The following QSOX1 variants were observed in gnomAD, a reference collection of about 807,000 sequenced individuals.
QSOX1 encodes quiescin sulfhydryl oxidase 1, also known as sulfhydryl oxidase 1.
A neutral mutation model predicts 76.1 loss-of-function variants in QSOX1; 40 were observed. That is an observed-to-expected ratio of 0.53 (90% confidence interval 0.41 to 0.68). The LOEUF is 0.68. Ranked by LOEUF, QSOX1 falls within the 30% of genes least tolerant of loss-of-function variation. QSOX1 has a pLI of 0.00. For missense variants in QSOX1, 931 were observed against 974.3 expected (o/e 0.96, Z 0.59); for synonymous variants, 392 against 413.1 (o/e 0.95, Z 0.62).
At chr1:180,182,050 G>A (rs554563788) in intron 5 of QSOX1, 124 bp from the exon 6 acceptor site, 14 of 905,634 alleles carry the variant, frequency 1.5e-5, no homozygotes, top group African/African-American at 3.3e-5. Context: ...CACTCTTTGT[G>A]GGTTTAGAGT....
Position 180,197,662 on chromosome 1 carries a change from G to A in QSOX1, c.*625G>A. 2.3e-6 allele frequency: 1 copy of A among 435,970 alleles called. No individual in the cohort carries two copies. The highest frequency in any genetic ancestry group is 2.5e-5 in the South Asian group (1 of 39,610). 27.0% of individuals were successfully genotyped at this position (435,970 alleles called of 1,614,324 possible). On this transcript the variant is annotated 3_prime_UTR_variant, in exon 12 of 12. Coordinates refer to ENST00000367602, the MANE Select transcript of QSOX1 (RefSeq NM_002826.5). Reference sequence around the variant, plus strand: ...CTCCCAGGTGAGGCAAGCCATGGTTGCTGGGCTGTAGGGTGAGTGGCTTGC... The same window carrying A: ...CTCCCAGGTGAGGCAAGCCATGGTTACTGGGCTGTAGGGTGAGTGGCTTGC...
chr1:180,194,559 A>C (rs533360004), intron 11 of QSOX1, among the ~76,000 whole-genome samples, 167 bp downstream of exon 11: 1 of 152,326 alleles, frequency 6.6e-6, no homozygotes, highest in Admixed American at 6.5e-5. Flanking sequence ...TTTTGACATG[A>C]GGAAGCCAAG....
In QSOX1 at chr1:180,200,485, T is replaced by C. The variant is rs1186807006; in HGVS notation, c.*3448T>C. 2 of 152,058 alleles carry C rather than the reference T, an allele frequency of 1.3e-5. No homozygotes were observed. Among genetic ancestry groups the C allele is most frequent in the African/African-American group, 2.4e-5 (1 of 41,370 alleles). 9.4% of individuals were successfully genotyped at this position (152,058 alleles called of 1,614,324 possible). ...ACTGAGGTGTTGAGTGGAAAGTGCC[T>C]CCCCACCCCCATCTGCCACAGTAGT... is the stretch of plus-strand genomic sequence containing the variant. On this transcript the variant is annotated 3_prime_UTR_variant, in exon 12 of 12. Coordinates refer to ENST00000367602, the MANE Select transcript of QSOX1 (RefSeq NM_002826.5).
intron 1 of QSOX1, among the ~76,000 whole-genome samples, chr1:180,156,886 G>T (rs1341782346): frequency 1.3e-5 from 2 of 152,202 alleles, no homozygotes; most frequent in African/African-American, 4.8e-5. Context: ...CCACTTTGAG[G>T]TTATAAGAGG....
rs1273543846 is a variant in QSOX1 at position 180,184,267 on chromosome 1, G to T, written c.887+217G>T. Among the ~76,000 whole-genome samples, 7 of 152,198 alleles carry T rather than the reference G, an allele frequency of 4.6e-5. No homozygotes were observed. In the East Asian group the frequency reaches 1.3e-3, roughly 29 times the overall value. On this transcript the variant is annotated intron_variant, in intron 7 of 11. Transcript: ENST00000367602. Reference sequence around the variant, plus strand: ...AGCTGCGGTGCCTCTGGTGTCTGTTGCGGGGCCGGGGCTGACTGGGGAATG... The same window carrying T: ...AGCTGCGGTGCCTCTGGTGTCTGTTTCGGGGCCGGGGCTGACTGGGGAATG...
At chr1:180,163,718 A>C (rs1454878849) in intron 1 of QSOX1, among the ~76,000 whole-genome samples, 1 of 152,264 alleles carries the variant, frequency 6.6e-6, no homozygotes, top group Non-Finnish European at 1.5e-5. Context: ...ATATGTGGAC[A>C]GGGGCCAAAT....
intron 1 of QSOX1, among the ~76,000 whole-genome samples, chr1:180,162,146 T>A (rs1395560004): frequency 6.6e-6 from 1 of 152,222 alleles, no homozygotes; most frequent in Non-Finnish European, 1.5e-5. Flanking sequence ...AGGCTGATAA[T>A]GTATCATATT....
chr1:180,190,323 T>TA, intron 9 of QSOX1, 110 bp from the exon 10 acceptor site: 3 of 1,252,406 alleles, frequency 2.4e-6, no homozygotes, highest in Non-Finnish European at 3.4e-6. Flanking sequence ...TTCGAGGTGA[T>TA]AGACTGAGGG....
chr1:180,194,998 G>GGGGC (rs1553275516), intron 11 of QSOX1, among the ~76,000 whole-genome samples: 2 of 147,016 alleles, frequency 1.4e-5, no homozygotes, highest in South Asian at 2.1e-4. Flanking sequence ...CAGCCTCCCG[G>GGGGC]GGGGGGGAGA....
At chr1:180,155,922 G>T (rs1014472764) in intron 1 of QSOX1, among the ~76,000 whole-genome samples, 6 of 152,144 alleles carry the variant, frequency 3.9e-5, no homozygotes, top group African/African-American at 1.4e-4. Context: ...CCTGGTTGGG[G>T]CACCAAAACT....
chr1:180,158,906 C>T (rs757829527), intron 1 of QSOX1, among the ~76,000 whole-genome samples: 25 of 152,314 alleles, frequency 1.6e-4, no homozygotes, highest in East Asian at 1.9e-4. Context: ...TCCTGGCCCT[C>T]GCTGATCCAG....
chr1:180,156,406 C>T (rs997299030), intron 1 of QSOX1, among the ~76,000 whole-genome samples: 1 of 152,156 alleles, frequency 6.6e-6, no homozygotes, highest in Admixed American at 6.5e-5. Flanking sequence ...TGGAAATAGG[C>T]CTTTTTCTAG....
At chr1:180,167,840 T>C (rs61828290) in intron 2 of QSOX1, among the ~76,000 whole-genome samples, 20,593 of 152,254 alleles carry the variant, frequency 0.14, 1,528 homozygotes, top group Middle Eastern at 0.21. Flanking sequence ...TGGTGCTATC[T>C]TTGGCCCTAA....
chr1:180,155,595 C>T (rs528727597), intron 1 of QSOX1, among the ~76,000 whole-genome samples: 2 of 152,298 alleles, frequency 1.3e-5, no homozygotes, highest in African/African-American at 4.8e-5. Context: ...TGCCAGGTTC[C>T]CTAGCTGCTG....
chr1:180,160,281 A>C (rs1478692221), intron 1 of QSOX1, among the ~76,000 whole-genome samples: 1 of 151,938 alleles, frequency 6.6e-6, no homozygotes, highest in Non-Finnish European at 1.5e-5. Flanking sequence ...CTGAGTCTCA[A>C]TACACTATGT....
Position 180,165,884 on chromosome 1 carries a change from A to G in QSOX1, c.266-607A>G, listed in dbSNP as rs115477720. 5.5e-3 allele frequency among the ~76,000 whole-genome samples: 837 copies of G among 151,246 alleles called. 9 individuals carry two copies. The highest frequency in any genetic ancestry group is 0.019 in the African/African-American group (777 of 40,578). On this transcript the variant is annotated intron_variant, in intron 1 of 11. Coordinates refer to ENST00000367602, the MANE Select transcript of QSOX1 (RefSeq NM_002826.5). ...AGCCTTGTGGCCCGGGGCCTGATGC[A>G]GGGGCCAGACTCTGGCCTCAAGGCT... is the stretch of plus-strand genomic sequence containing the variant.
At chr1:180,182,376 T>TC (rs1200335128) in intron 6 of QSOX1, 57 bp downstream of exon 6, 7 of 1,601,322 alleles carry the variant, frequency 4.4e-6, no homozygotes, top group Middle Eastern at 1.7e-4. Flanking sequence ...CATCCTTCCT[T>TC]CTTGCCCAGA....
At chr1:180,165,635 G>T (rs948781825) in intron 1 of QSOX1, among the ~76,000 whole-genome samples, 2 of 152,236 alleles carry the variant, frequency 1.3e-5, no homozygotes, top group African/African-American at 4.8e-5. Flanking sequence ...TTTGGCCCCT[G>T]CCACTGCCCT....
Position 180,194,311 on chromosome 1 carries a change from T to C in QSOX1, c.1387T>C (p.Ser463Pro). 1 of 1,611,278 alleles carries C rather than the reference T, an allele frequency of 6.2e-7. No homozygotes were observed. The highest frequency in any genetic ancestry group is 8.5e-7 in the Non-Finnish European group (1 of 1,178,176). The change falls in exon 11 of 12, where the codon TCC becomes CCC. Residue 463 changes from serine to proline, a missense_variant. Transcript: ENST00000367602. ...CCACTTCGAGCAGATGGCTGCTGCCTCCATGCACCGGGTGGGGAGTCCCAA... is the reference window on the plus strand; with the variant it reads ...CCACTTCGAGCAGATGGCTGCTGCCCCCATGCACCGGGTGGGGAGTCCCAA... ...ASHFEQMAAA[S>P]MHRVGSPNAA... is the part of the protein sequence containing the mutation.
Sources: gnomAD v4.1 joint callset for allele counts (sites outside exome capture counted in the v4.1 genomes callset) on GRCh38, gnomAD v4.1.1 for gene constraint, MANE v1.5 for transcripts, NCBI Gene and HGNC (gene_info 2026-07-23, HGNC 2026-07-21) for gene names.